Variants in PTPRC observed in about 807,000 individuals in gnomAD.
PTPRC encodes receptor-type tyrosine-protein phosphatase C.
A neutral mutation model predicts 155.9 loss-of-function variants in PTPRC; 44 were observed. The observed-to-expected ratio is 0.28, with a 90% CI of 0.22 to 0.36. The LOEUF is 0.36. Ranked by LOEUF, PTPRC falls within the 10% of genes least tolerant of loss-of-function variation. The pLI is 1.00. For missense variants in PTPRC, 1,401 were observed against 1,564.6 expected, an observed-to-expected ratio of 0.90 and a Z score of 1.76; for synonymous variants, 525 against 533.1, an observed-to-expected ratio of 0.98 and a Z score of 0.21.
intron 7 of PTPRC, chr1:198,703,748 C>T (rs142950218): frequency 2.4e-4 from 62 of 256,126 alleles, no homozygotes; most frequent in Non-Finnish European, 7.7e-5. Context: ...AGTGAGAGGG[C>T]GTGGAGATAA....
chr1:198,714,912 A>AG (rs1416103488), intron 12 of PTPRC, among the ~76,000 whole-genome samples: 1 of 151,442 alleles, frequency 6.6e-6, no homozygotes, highest in African/African-American at 2.4e-5. Context: ...TTAAAAGAGG[A>AG]GAAAAAATGC....
Position 198,735,214 on chromosome 1 carries a change from T to A in PTPRC, c.2365T>A (p.Cys789Ser). ...VVVKINQHKR[C>S]PDYIIQKLNI... ...TGTAAAGATCAACCAGCACAAAAGA[T>A]GTCCAGATTACATCATTCAGAAATT... The change falls in exon 23 of 33, where the codon TGT (cysteine) becomes AGT (serine). Residue 789 changes from cysteine (C) to serine (S), a missense_variant. Coordinates refer to ENST00000442510, the MANE Select transcript of PTPRC (RefSeq NM_002838.5). 6.2e-7 allele frequency: 1 copy of A among 1,603,664 alleles called. No individual in the cohort carries two copies. The highest frequency in any genetic ancestry group is 2.3e-5 in the East Asian group (1 of 44,440).
Position 198,755,939 on chromosome 1 carries a change from A to G in PTPRC, c.3679A>G (p.Ser1227Gly). The change falls in exon 33 of 33, where the codon AGC becomes GGC. Residue 1227 changes from serine to glycine, a missense_variant. Ser to Gly is a moderately conservative substitution (Grantham distance 56, BLOSUM62 0). Coordinates refer to ENST00000442510, the MANE Select transcript of PTPRC (RefSeq NM_002838.5). ...TCAATTCCTATATGACGTCATTGCC[A>G]GCACCTACCCTGCTCAGAATGGACA... Reference protein sequence around the residue: ...QYQFLYDVIASTYPAQNGQVK... With the variant: ...QYQFLYDVIAGTYPAQNGQVK... 1 of 1,612,660 alleles carries G rather than the reference A, an allele frequency of 6.2e-7. No homozygotes were observed. The highest frequency in any genetic ancestry group is 1.1e-5 in the South Asian group (1 of 91,034).
rs571147091 is a variant in PTPRC at position 198,651,112 on chromosome 1, A to G, written c.73+11771A>G. Among the ~76,000 whole-genome samples the G allele has an allele frequency of 4.3e-4, 66 of 152,028 alleles. 2 individuals are homozygous for G. The South Asian group carries it at 0.014, about 31-fold the overall frequency. On this transcript the variant is annotated intron_variant, in intron 2 of 32. Transcript: ENST00000442510. The stretch of plus-strand genomic sequence containing the variant: ...TTAACAATTAGAAAAAGAAAGAGGT[A>G]CATCTTAACATAATTTGTTTTAATA...
chr1:198,662,484 G>A (rs906225421), intron 2 of PTPRC, among the ~76,000 whole-genome samples: 1 of 151,418 alleles, frequency 6.6e-6, no homozygotes, highest in East Asian at 1.9e-4. Context: ...GTGTGAGAGT[G>A]TGTGTGTATA....
intron 4 of PTPRC, among the ~76,000 whole-genome samples, chr1:198,697,427 T>C (rs763392564): frequency 2.0e-5 from 3 of 152,208 alleles, no homozygotes; most frequent in Non-Finnish European, 4.4e-5. Flanking sequence ...TTAAGAGCAT[T>C]TGCATCATTG....
At chr1:198,642,008 G>A (rs1662612515) in intron 2 of PTPRC, among the ~76,000 whole-genome samples, 1 of 152,016 alleles carries the variant, frequency 6.6e-6, no homozygotes, top group African/African-American at 2.4e-5. Flanking sequence ...ATTTGGGAAT[G>A]TGATTAGAAT....
At chr1:198,652,522 T>G (rs1663308174) in intron 2 of PTPRC, among the ~76,000 whole-genome samples, 1 of 151,322 alleles carries the variant, frequency 6.6e-6, no homozygotes, top group Non-Finnish European at 1.5e-5. Flanking sequence ...CAAACCTAAG[T>G]AATCCATTTT....
intron 26 of PTPRC, among the ~76,000 whole-genome samples, chr1:198,745,068 C>A (rs1655076967): frequency 6.6e-6 from 1 of 151,906 alleles, no homozygotes; most frequent in East Asian, 2.0e-4. Context: ...GATAAATTAA[C>A]CTTATTCAAT....
intron 27 of PTPRC, among the ~76,000 whole-genome samples, chr1:198,749,112 C>A (rs1044759449): frequency 2.6e-5 from 4 of 151,510 alleles, no homozygotes; most frequent in Middle Eastern, 3.5e-3. Flanking sequence ...TTATAATAGT[C>A]CATGGGAAAT....
chr1:198,726,218 T>C (rs1250221392), intron 15 of PTPRC, among the ~76,000 whole-genome samples: 1 of 152,228 alleles, frequency 6.6e-6, no homozygotes, highest in Non-Finnish European at 1.5e-5. Context: ...ATGAGGTTTT[T>C]ATTCACAAAA....
At chr1:198,663,691 C>T (rs891707501) in intron 2 of PTPRC, among the ~76,000 whole-genome samples, 2 of 152,238 alleles carry the variant, frequency 1.3e-5, no homozygotes, top group African/African-American at 4.8e-5. Flanking sequence ...TAAATCCCAA[C>T]TCTGCCACTT....
intron 2 of PTPRC, among the ~76,000 whole-genome samples, chr1:198,685,791 A>G (rs555677764): frequency 1.3e-5 from 2 of 152,136 alleles, no homozygotes; most frequent in South Asian, 4.1e-4. Context: ...TCAAGTATGC[A>G]TTCTCAACCT....
intron 3 of PTPRC, 167 bp downstream of exon 3, chr1:198,692,540 T>C (rs922141992): frequency 1.2e-4 from 128 of 1,085,414 alleles, no homozygotes; most frequent in Non-Finnish European, 6.9e-5. Flanking sequence ...TGCTTATACG[T>C]TATAGAGTTT....
At chr1:198,730,407 GC>G (rs1654332867) in intron 17 of PTPRC, among the ~76,000 whole-genome samples, 1 of 152,108 alleles carries the variant, frequency 6.6e-6, no homozygotes, top group Non-Finnish European at 1.5e-5. Context: ...TAGAATGTAA[GC>G]TTTGTGAAAG....
chr1:198,685,973 G>A (rs902633445), intron 2 of PTPRC, among the ~76,000 whole-genome samples: 1 of 151,578 alleles, frequency 6.6e-6, no homozygotes, highest in Non-Finnish European at 1.5e-5. Flanking sequence ...TTAGCGGGGA[G>A]GGAGAACGGG....
At chr1:198,684,381 T>G (rs1665504969) in intron 2 of PTPRC, among the ~76,000 whole-genome samples, 2 of 151,852 alleles carry the variant, frequency 1.3e-5, no homozygotes, top group Non-Finnish European at 2.9e-5. Flanking sequence ...CATAAGTCAT[T>G]GGGAGACAGC....
chr1:198,749,420 C>G lies in PTPRC; in HGVS notation c.2943C>G (p.Asp981Glu). The G allele has an allele frequency of 2.5e-6, 4 of 1,608,272 alleles. No individual in the cohort carries two copies. Among genetic ancestry groups the G allele is most frequent in the Non-Finnish European group, 3.4e-6 (4 of 1,175,914 alleles). ...KNRNSNVIPY[D>E]YNRVPLKHEL... ...CTACTGATTTATTTCACATAGATGA[C>G]TATAACAGAGTGCCACTTAAACATG... The change falls in exon 28 of 33, where the codon GAC becomes GAG. Residue 981 changes from aspartate to glutamate, a missense_variant. Asp to Glu is a conservative substitution (Grantham distance 45, BLOSUM62 2). Transcript: ENST00000442510.
intron 2 of PTPRC, among the ~76,000 whole-genome samples, chr1:198,682,298 T>A (rs1665378128): frequency 6.6e-6 from 1 of 152,260 alleles, no homozygotes; most frequent in Non-Finnish European, 1.5e-5. Flanking sequence ...TTGCTTTTAT[T>A]GTCCTCAGCT....
Sources: allele counts gnomAD v4.1 joint callset (sites outside exome capture counted in the v4.1 genomes callset), GRCh38; gene constraint gnomAD v4.1.1; transcripts MANE v1.5; gene names NCBI Gene and HGNC (gene_info 2026-07-23, HGNC 2026-07-21).